Variants in SPHKAP observed in about 807,000 individuals in gnomAD.
SPHKAP encodes A-kinase anchor protein SPHKAP.
In SPHKAP, 67 loss-of-function variants were observed where a neutral mutation model predicts 137.5. That is an observed-to-expected ratio of 0.49 (90% CI 0.40 to 0.60). SPHKAP has a LOEUF of 0.60. Ranked by LOEUF, SPHKAP falls within the 20% of genes least tolerant of loss-of-function variation. The probability of loss-of-function intolerance (pLI) is 0.00; values close to 1 mark genes in which losing one functional copy is unlikely to be tolerated. For missense variants in SPHKAP, 2,097 were observed against 2,069.3 expected (o/e 1.01, Z -0.26); for synonymous variants, 813 against 785.3 (o/e 1.04, Z -0.59).
intron 1 of SPHKAP, among the ~76,000 whole-genome samples, chr2:228,170,725 G>C (rs1006225709): frequency 2.0e-5 from 3 of 151,862 alleles, no homozygotes; most frequent in Non-Finnish European, 4.4e-5. Flanking sequence ...CATAACTTTT[G>C]AATCCCTTGG....
intron 1 of SPHKAP, among the ~76,000 whole-genome samples, chr2:228,157,683 A>G (rs1358618994): frequency 6.6e-6 from 1 of 152,074 alleles, no homozygotes; most frequent in Non-Finnish European, 1.5e-5. Context: ...GGGGTAAAGG[A>G]GGTGTCATTT....
intron 1 of SPHKAP, among the ~76,000 whole-genome samples, chr2:228,162,606 T>C (rs1256553271): frequency 6.6e-6 from 1 of 152,222 alleles, no homozygotes; most frequent in African/African-American, 2.4e-5. Flanking sequence ...ACATTATATA[T>C]TGCTATATTA....
chr2:228,043,590 G>A (rs539280067), intron 3 of SPHKAP, among the ~76,000 whole-genome samples: 29 of 152,342 alleles, frequency 1.9e-4, no homozygotes, highest in Admixed American at 5.2e-4. Context: ...GCCTCCCAAA[G>A]TGCTGGGATT....
intron 1 of SPHKAP, among the ~76,000 whole-genome samples, chr2:228,166,468 G>GT (rs1353125552): frequency 6.6e-6 from 1 of 151,996 alleles, no homozygotes; most frequent in East Asian, 1.9e-4. Context: ...AAGTCACTAG[G>GT]TTTTATCTCT....
In SPHKAP at chr2:228,018,326, G is replaced by C. The variant is rs1475182206; in HGVS notation, c.2528C>G (p.Thr843Arg). 1.2e-6 allele frequency: 2 copies of C among 1,614,050 alleles called. No individual in the cohort carries two copies. The highest frequency in any genetic ancestry group is 1.7e-5 in the Admixed American group (1 of 60,004). ...IYLKGIAGED[T>R]KSPHHSENEC... is the part of the protein sequence containing the mutation. ...ATTCTCACTGTGATGAGGGCTTTTTGTATCCTCTCCTGCTATTCCTTTCAG... is the reference window on the plus strand; with the variant it reads ...ATTCTCACTGTGATGAGGGCTTTTTCTATCCTCTCCTGCTATTCCTTTCAG... Residue 843 changes from threonine to arginine, a missense_variant, in exon 7 of 12, where the codon ACA becomes AGA. Thr to Arg is a moderately conservative substitution (Grantham distance 71). Coordinates refer to ENST00000392056, the MANE Select transcript of SPHKAP (RefSeq NM_001142644.2).
chr2:228,066,696 C>T (rs575147130), intron 3 of SPHKAP, among the ~76,000 whole-genome samples: 1 of 152,278 alleles, frequency 6.6e-6, no homozygotes, highest in African/African-American at 2.4e-5. Flanking sequence ...ACAAATCATG[C>T]TCATTGCAGT....
intron 1 of SPHKAP, among the ~76,000 whole-genome samples, chr2:228,146,186 A>G (rs1000452355): frequency 6.6e-5 from 10 of 152,102 alleles, no homozygotes; most frequent in Non-Finnish European, 1.3e-4. Flanking sequence ...CTCCACACAC[A>G]TCCTTCCCAT....
chr2:228,108,889 A>T lies in SPHKAP; in HGVS notation c.189T>A (p.Asn63Lys). The T allele has an allele frequency of 6.2e-7, 1 of 1,610,322 alleles. No homozygotes were observed. ...LLESTDYWLQ[N>K]QRMPCQIGFV... is the part of the protein sequence containing the mutation. ...AACCAATTTGGCAGGGCATCCTCTGATTCTGCAACCAGTAGTCTGTTGACT... is the reference window on the plus strand; with the variant it reads ...AACCAATTTGGCAGGGCATCCTCTGTTTCTGCAACCAGTAGTCTGTTGACT... The change falls in exon 3 of 12, where the codon AAT becomes AAA. Residue 63 changes from asparagine to lysine, a missense_variant. Coordinates refer to ENST00000392056, the MANE Select transcript of SPHKAP (RefSeq NM_001142644.2).
At chr2:228,176,363 C>T (rs9677844) in intron 1 of SPHKAP, among the ~76,000 whole-genome samples, 17,740 of 152,054 alleles carry the variant, frequency 0.12, 1,054 homozygotes, top group East Asian at 0.2. Flanking sequence ...TGTATCATAC[C>T]CAAGGGAGAG....
At chr2:228,072,055 G>A (rs1697021019) in intron 3 of SPHKAP, among the ~76,000 whole-genome samples, 1 of 152,154 alleles carries the variant, frequency 6.6e-6, no homozygotes, top group Non-Finnish European at 1.5e-5. Flanking sequence ...CTAATTCATT[G>A]AGGACCCTAA....
At chr2:228,112,233 G>T (rs750714399) in intron 2 of SPHKAP, among the ~76,000 whole-genome samples, 1 of 152,174 alleles carries the variant, frequency 6.6e-6, no homozygotes, top group Non-Finnish European at 1.5e-5. Context: ...TAAAATACAG[G>T]TATCATCGCT....
intron 11 of SPHKAP, among the ~76,000 whole-genome samples, chr2:227,989,039 C>T (rs1000829325): frequency 2.0e-5 from 3 of 152,068 alleles, no homozygotes; most frequent in Non-Finnish European, 4.4e-5. Flanking sequence ...TTCAATTTTT[C>T]CTGTAGTCGA....
rs570800182 is a variant in SPHKAP at position 228,181,080 on chromosome 2, G to A, written c.32+487C>T. Among the ~76,000 whole-genome samples, 2 of 152,182 alleles carry A rather than the reference G, an allele frequency of 1.3e-5. No homozygotes were observed. The highest frequency in any genetic ancestry group is 6.5e-5 in the Admixed American group (1 of 15,298). ...CGCTTTGGGGGCAGTCTAGGTGTCG[G>A]TCGGGGGTGAGGGACAATCTTCCCC... On this transcript the variant is annotated intron_variant, in intron 1 of 11. Transcript: ENST00000392056. This position sits in a 1 kb window ranked among gnomAD's most constrained non-coding sequence, Gnocchi z 4.3.
intron 1 of SPHKAP, among the ~76,000 whole-genome samples, chr2:228,175,969 G>A (rs958036502): frequency 1.3e-5 from 2 of 152,152 alleles, no homozygotes; most frequent in Non-Finnish European, 2.9e-5. Context: ...AGTTCATTCA[G>A]CATGATGGGA....
chr2:228,136,618 C>A (rs1475819713), intron 1 of SPHKAP, among the ~76,000 whole-genome samples: 1 of 152,178 alleles, frequency 6.6e-6, no homozygotes, highest in African/African-American at 2.4e-5. Flanking sequence ...CACGGACCAG[C>A]AGCATTGGTG....
At chr2:228,176,966 T>C (rs934290410) in intron 1 of SPHKAP, among the ~76,000 whole-genome samples, 3 of 151,822 alleles carry the variant, frequency 2.0e-5, no homozygotes, top group Non-Finnish European at 3.0e-5. Context: ...TTACAATTAT[T>C]TGTAGCTGTA....
chr2:228,041,678 CAG>C (rs1462390951), intron 3 of SPHKAP, among the ~76,000 whole-genome samples: 1 of 147,364 alleles, frequency 6.8e-6, no homozygotes, highest in Non-Finnish European at 1.5e-5. Context: ...AAAAAGAAAA[CAG>C]TTCTACATTC....
At chr2:228,092,742 T>G (rs570680298) in intron 3 of SPHKAP, among the ~76,000 whole-genome samples, 2 of 151,300 alleles carry the variant, frequency 1.3e-5, no homozygotes, top group South Asian at 4.2e-4. Flanking sequence ...AAGAAACAAA[T>G]TAATGGCATT....
intron 3 of SPHKAP, among the ~76,000 whole-genome samples, chr2:228,107,072 ATT>A (rs551709438): frequency 1.4e-5 from 1 of 72,430 alleles, no homozygotes; most frequent in Admixed American, 1.9e-4. Flanking sequence ...CGTAGTTATC[ATT>A]TTTTTTTTGG....
Sources: gnomAD v4.1 joint callset for allele counts (sites outside exome capture counted in the v4.1 genomes callset) on GRCh38, gnomAD v4.1.1 for gene constraint, Gnocchi (gnomAD v3.1) non-coding constraint, MANE v1.5 for transcripts, NCBI Gene and HGNC (gene_info 2026-07-23, HGNC 2026-07-21) for gene names.